Variants in MSH3 observed in about 807,000 individuals in gnomAD.
MSH3 encodes the protein DNA mismatch repair protein Msh3.
In MSH3, 106 loss-of-function variants were observed where a neutral mutation model predicts 123.3. That is an observed-to-expected ratio of 0.86 (90% CI 0.73 to 1.01). The LOEUF is 1.01. Ranked by LOEUF, MSH3 falls within the 50% of genes least tolerant of loss-of-function variation. The probability of loss-of-function intolerance (pLI) is 0.00; values close to 1 mark genes in which losing one functional copy is unlikely to be tolerated. For synonymous variants in MSH3, 515 were observed against 481.4 expected, an observed-to-expected ratio of 1.07 and a Z score of -0.91; for missense variants, 1,459 against 1,347.6, an observed-to-expected ratio of 1.08 and a Z score of -1.29.
chr5:80,792,661 A>G (rs1378465995), intron 18 of MSH3, 72 bp from the exon 19 acceptor site: 2 of 882,086 alleles, frequency 2.3e-6, no homozygotes, highest in Non-Finnish European at 3.7e-6. Flanking sequence ...GAAATTTTTC[A>G]TGCTATCTTA....
chr5:80,694,163 C>T (rs1750416462), intron 8 of MSH3, among the ~76,000 whole-genome samples: 1 of 152,150 alleles, frequency 6.6e-6, no homozygotes, highest in Non-Finnish European at 1.5e-5. Context: ...GCTTTCCATA[C>T]TGTAAAATTA....
chr5:80,654,895 G>GCCCCCA lies in MSH3; in HGVS notation c.168_169insCCCCCA (p.Ala56_Ala57insProPro), dbSNP rs1398585733. ...ACCCTGGCGCTGCAGCGGCTGCAGC[G>GCCCCCA]GCCGCAGCGGCCGCAGCGCCCCCAG... On this transcript the variant is annotated inframe_insertion, in exon 1 of 24. Coordinates refer to ENST00000265081, the MANE Select transcript of MSH3 (RefSeq NM_002439.5). 5 of 820,056 alleles carry GCCCCCA rather than the reference G, an allele frequency of 6.1e-6. No homozygotes were observed. In the African/African-American group the frequency reaches 1.2e-4, roughly 19 times the overall value. The allele number at this position is 820,056 out of a possible 1,614,324, so 50.8% of individuals were successfully genotyped here. A position where few individuals can be genotyped will look rare whatever the true frequency, so the allele number is the denominator to read the frequency against.
At chr5:80,861,179 G>A (rs1238783654) in intron 21 of MSH3, among the ~76,000 whole-genome samples, 2 of 152,142 alleles carry the variant, frequency 1.3e-5, no homozygotes, top group Non-Finnish European at 1.5e-5. Context: ...TGCTTGCTCT[G>A]TCTCTTCATA....
chr5:80,698,651 G>T (rs1750537813), intron 8 of MSH3, among the ~76,000 whole-genome samples: 1 of 152,176 alleles, frequency 6.6e-6, no homozygotes, highest in African/African-American at 2.4e-5. Context: ...GTTTTGGAGA[G>T]AAAGGGTGTA....
At chr5:80,773,915 C>G (rs1247681225) in intron 15 of MSH3, among the ~76,000 whole-genome samples, 3 of 152,030 alleles carry the variant, frequency 2.0e-5, no homozygotes, top group African/African-American at 2.4e-5. Context: ...TTACAAGTGC[C>G]TGCCACCACG....
At chr5:80,679,784 T>C (rs1440019602) in intron 8 of MSH3, among the ~76,000 whole-genome samples, 2 of 152,214 alleles carry the variant, frequency 1.3e-5, no homozygotes, top group Non-Finnish European at 2.9e-5. Flanking sequence ...GCATGATGTA[T>C]TAAGTGCTAA....
At position 80,690,377 on chromosome 5, in the gene MSH3, G is replaced by A. The variant is rs561980822; in HGVS notation, c.1340+11284G>A. On this transcript the variant is annotated intron_variant, in intron 8 of 23. Transcript: ENST00000265081. ...GACTGGAGTGCAGTGGCACAATCTT[G>A]GCTCACTGCAACCTCTGCCTCCTGG... 1.3e-3 allele frequency among the ~76,000 whole-genome samples: 192 copies of A among 152,120 alleles called. 2 individuals carry two copies. The highest frequency in any genetic ancestry group is 4.5e-3 in the African/African-American group (187 of 41,500).
chr5:80,841,686 G>C (rs1745627712), intron 20 of MSH3, among the ~76,000 whole-genome samples: 1 of 152,146 alleles, frequency 6.6e-6, no homozygotes, highest in African/African-American at 2.4e-5. Context: ...TATGTCTGTT[G>C]GCTGCATGAA....
chr5:80,771,164 T>C (rs978841447), intron 15 of MSH3, among the ~76,000 whole-genome samples: 3 of 152,192 alleles, frequency 2.0e-5, no homozygotes, highest in Non-Finnish European at 4.4e-5. Flanking sequence ...AAAGGAATTC[T>C]AAATATTCAA....
rs1229168817 is a variant in MSH3 at position 80,864,855 on chromosome 5, T to G, written c.3043T>G (p.Cys1015Gly). ...GTTTGTCACCCATTATCCGCCAGTT[T>G]GTGAACTAGAAAAAAATTACTCACA... ...TLFVTHYPPV[C>G]ELEKNYSHQV... is the part of the protein sequence containing the mutation. The change falls in exon 22 of 24, where the codon TGT becomes GGT. Residue 1015 changes from cysteine (C) to glycine (G), a missense_variant. By Grantham distance (159) the Cys-to-Gly change is radical. Transcript: ENST00000265081. The G allele has an allele frequency of 6.2e-7, 1 of 1,613,520 alleles. No homozygotes were observed. The highest frequency in any genetic ancestry group is 8.5e-7 in the Non-Finnish European group (1 of 1,179,472).
rs768096141 is a variant in MSH3 at position 80,672,222 on chromosome 5, ATTTTC to A, written c.793-17_793-13del. On this transcript the variant is annotated splice_polypyrimidine_tract_variant and intron_variant, in intron 4 of 23. Coordinates refer to ENST00000265081, the MANE Select transcript of MSH3 (RefSeq NM_002439.5). ...AATCTTAAAATATAAATTTATTGAT[ATTTTC>A]TTTTTTCATTTTTTAGATTGCAGCC... The A allele has an allele frequency of 4.7e-6, 7 of 1,492,002 alleles. No individual in the cohort carries two copies. The highest frequency in any genetic ancestry group is 4.7e-6 in the Non-Finnish European group (5 of 1,070,492). 92.4% of individuals were successfully genotyped at this position (1,492,002 alleles called of 1,614,324 possible).
chr5:80,675,265 A>T, intron 7 of MSH3, 137 bp downstream of exon 7: 1 of 1,027,388 alleles, frequency 9.7e-7, no homozygotes, highest in Non-Finnish European at 1.5e-6. Context: ...CATTTTTCTC[A>T]CAATATTATA....
At chr5:80,809,332 T>C (rs1561485400) in intron 19 of MSH3, among the ~76,000 whole-genome samples, 2 of 152,174 alleles carry the variant, frequency 1.3e-5, no homozygotes, top group Non-Finnish European at 1.5e-5. Flanking sequence ...ACAAATCTTA[T>C]TAAATTATTT....
chr5:80,766,633 G>T lies in MSH3; in HGVS notation c.1897-1300G>T, dbSNP rs190726493. Among the ~76,000 whole-genome samples, 16 of 152,166 alleles carry T rather than the reference G, an allele frequency of 1.1e-4. No homozygotes were observed. In the East Asian group the frequency reaches 2.9e-3, roughly 28 times the overall value. ...GCTGGGATTACAGGCGTGAGTCACT[G>T]CGTCTGGCTGGTTTTATGCCGTTTT... On this transcript the variant is annotated intron_variant, in intron 13 of 23. Transcript: ENST00000265081.
chr5:80,776,891 T>C (rs1324219225), intron 16 of MSH3, among the ~76,000 whole-genome samples: 1 of 147,306 alleles, frequency 6.8e-6, no homozygotes, highest in African/African-American at 2.5e-5. Flanking sequence ...ATAATACATA[T>C]ATACAAAAAA....
chr5:80,700,565 G>GTT (rs941111995), intron 8 of MSH3, among the ~76,000 whole-genome samples: 3 of 148,240 alleles, frequency 2.0e-5, no homozygotes, highest in Admixed American at 6.8e-5. Flanking sequence ...TTTTCAGTAG[G>GTT]TTTTTTTTTT....
chr5:80,705,830 G>T (rs1020254779), intron 8 of MSH3, among the ~76,000 whole-genome samples: 1 of 152,066 alleles, frequency 6.6e-6, no homozygotes, highest in Admixed American at 6.6e-5. Context: ...CGTGGACACC[G>T]GTCATATTGG....
intron 21 of MSH3, 99 bp downstream of exon 21, chr5:80,854,415 G>T (rs1445022693): frequency 5.5e-6 from 6 of 1,081,248 alleles, no homozygotes; most frequent in Non-Finnish European, 8.3e-6. Flanking sequence ...GGTACAATGT[G>T]ATGTTTTGAA....
chr5:80,793,203 A>T (rs42290), intron 19 of MSH3, among the ~76,000 whole-genome samples: 1 of 152,204 alleles, frequency 6.6e-6, no homozygotes, highest in African/African-American at 2.4e-5. Flanking sequence ...ATTTTCAGAT[A>T]TTCTATGCAA....
Sources: allele counts gnomAD v4.1 joint callset (sites outside exome capture counted in the v4.1 genomes callset), GRCh38; gene constraint gnomAD v4.1.1; transcripts MANE v1.5; gene names NCBI Gene and HGNC (gene_info 2026-07-23, HGNC 2026-07-21).